Variants in IL11RA observed in about 807,000 individuals in gnomAD.
IL11RA encodes interleukin-11 receptor subunit alpha.
A neutral mutation model predicts 57.0 loss-of-function variants in IL11RA; 51 were observed. The ratio of observed to expected loss-of-function variants is 0.89; its 90% CI spans 0.71 to 1.13. The LOEUF is 1.13. IL11RA is among the 50% of genes most tolerant of loss of function. The probability of loss-of-function intolerance (pLI) is 0.00; values close to 1 mark genes in which losing one functional copy is unlikely to be tolerated. For synonymous variants in IL11RA, 199 were observed against 217.5 expected (o/e 0.91, Z 0.75); for missense variants, 498 against 539.4 (o/e 0.92, Z 0.76).
At chr9:34,655,718 T>G in intron 3 of IL11RA, 53 bp downstream of exon 3, 1 of 1,512,474 alleles carries the variant, frequency 6.6e-7, no homozygotes, top group Non-Finnish European at 9.2e-7. Flanking sequence ...TTCTTGACTC[T>G]GCCTAGTCCT....
chr9:34,660,145 TG>T, intron 9 of IL11RA, 128 bp from the exon 10 acceptor site: 1 of 1,404,654 alleles, frequency 7.1e-7, no homozygotes, highest in Non-Finnish European at 1.0e-6. Flanking sequence ...CCCTAGGAGC[TG>T]GCCATGCCCT....
At chr9:34,660,431 G>GA (rs1422841245) in intron 10 of IL11RA, 38 bp downstream of exon 10, 1 of 1,613,952 alleles carries the variant, frequency 6.2e-7, no homozygotes, top group African/African-American at 1.3e-5. Flanking sequence ...GTAAAGGACT[G>GA]AAAACCCCAG....
intron 8 of IL11RA, among the ~76,000 whole-genome samples, chr9:34,659,268 A>G (rs1438081136): frequency 6.6e-6 from 1 of 152,208 alleles, no homozygotes; most frequent in East Asian, 1.9e-4. Context: ...CTAGAGGCAC[A>G]TTCTCCTACA....
Position 34,658,779 on chromosome 9 carries a change from C to A in IL11RA, c.810+96C>A. Reference sequence around the variant, plus strand: ...GTATAGCTTTCCAGTGCTGGCAGGTCACTGAAGACCCAACACTTCCCTGTG... The same window carrying A: ...GTATAGCTTTCCAGTGCTGGCAGGTAACTGAAGACCCAACACTTCCCTGTG... On this transcript the variant is annotated intron_variant, in intron 8 of 12. Transcript: ENST00000441545. The surrounding 1 kb of genome is among the most constrained non-coding windows in gnomAD (Gnocchi z 4.0). 1 of 1,383,266 alleles carries A rather than the reference C, an allele frequency of 7.2e-7. No homozygotes were observed. Among genetic ancestry groups the A allele is most frequent in the Non-Finnish European group, 1.0e-6 (1 of 988,020 alleles). The allele number at this position is 1,383,266 out of a possible 1,614,324, so 85.7% of individuals were successfully genotyped here. A position where few individuals can be genotyped will look rare whatever the true frequency, so the allele number is the denominator to read the frequency against.
chr9:34,660,791 C>T (rs1174266451), intron 11 of IL11RA, 63 bp from the exon 12 acceptor site: 17 of 1,445,668 alleles, frequency 1.2e-5, no homozygotes, highest in Non-Finnish European at 1.6e-5. Context: ...TACTAATAAA[C>T]CCTTTGGCGG....
At position 34,661,811 on chromosome 9, in the gene IL11RA, G is replaced by T; in HGVS notation, c.*313G>T. The T allele has an allele frequency of 9.8e-7, 1 of 1,015,312 alleles. No individual in the cohort carries two copies. Among genetic ancestry groups the T allele is most frequent in the Non-Finnish European group, 1.5e-6 (1 of 672,864 alleles). 62.9% of individuals were successfully genotyped at this position (1,015,312 alleles called of 1,614,324 possible). A position where few individuals can be genotyped will look rare whatever the true frequency, so the allele number is the denominator to read the frequency against. On this transcript the variant is annotated 3_prime_UTR_variant, in exon 13 of 13. Transcript: ENST00000441545. ...GTATGTAGGTGCCTGGGGAGTGTGT[G>T]TGGGTCCTTGGCTCTTGGCCTTTCC... is the stretch of plus-strand genomic sequence containing the variant.
chr9:34,657,267 T>C (rs1821363880), intron 5 of IL11RA, 36 bp from the exon 6 acceptor site: 2 of 1,613,960 alleles, frequency 1.2e-6, no homozygotes, highest in African/African-American at 1.3e-5. Flanking sequence ...AGGCCCTCTT[T>C]TCCTTCCTGA....
intron 9 of IL11RA, 121 bp from the exon 10 acceptor site, chr9:34,660,153 C>A: frequency 6.9e-7 from 1 of 1,445,420 alleles, no homozygotes; most frequent in Non-Finnish European, 9.7e-7. Context: ...GCTGGCCATG[C>A]CCTATCAGGC....
chr9:34,660,959 T>G (rs1366220697), intron 12 of IL11RA, 23 bp downstream of exon 12: 1 of 1,572,170 alleles, frequency 6.4e-7, no homozygotes, highest in Non-Finnish European at 8.7e-7. Context: ...TCCAGAAGAT[T>G]TGGACTTGGA....
rs117149170 is a variant in IL11RA at position 34,658,655 on chromosome 9, G to A, written c.782G>A (p.Arg261His). ...HFLLKFRLQY[R>H]PAQHPAWSTV... ...CTGCTCAAGTTCCGTTTGCAGTACC[G>A]TCCGGCGCAGCATCCAGCCTGGTCC... The change falls in exon 8 of 13, where the codon CGT becomes CAT. Residue 261 changes from arginine to histidine, a missense_variant. Arg to His is a conservative substitution (Grantham distance 29). Coordinates refer to ENST00000441545, the MANE Select transcript of IL11RA (RefSeq NM_001142784.3). The surrounding 1 kb of genome is among the most constrained non-coding windows in gnomAD (Gnocchi z 4.0). 6.0e-4 allele frequency: 962 copies of A among 1,613,598 alleles called. 13 individuals carry two copies. In the East Asian group the frequency reaches 0.019, roughly 32 times the overall value.
At chr9:34,660,014 A>G in intron 9 of IL11RA, 114 bp downstream of exon 9, 2 of 1,377,272 alleles carry the variant, frequency 1.5e-6, no homozygotes, top group Non-Finnish European at 2.0e-6. Context: ...AGGCACGGCA[A>G]TTGCTGTCCC....
In IL11RA at chr9:34,661,505, C is replaced by T. The variant is rs934200482; in HGVS notation, c.*7C>T. On this transcript the variant is annotated 3_prime_UTR_variant, in exon 13 of 13. Coordinates refer to ENST00000441545, the MANE Select transcript of IL11RA (RefSeq NM_001142784.3). Reference sequence around the variant, plus strand: ...AGGAGCTCCAAACCTGTAGAGGACCCAGGAGGGCTTCGGCAGATTCCACCT... The same window carrying T: ...AGGAGCTCCAAACCTGTAGAGGACCTAGGAGGGCTTCGGCAGATTCCACCT... 42 of 1,613,702 alleles carry T rather than the reference C, an allele frequency of 2.6e-5. No homozygotes were observed. In the African/African-American group the frequency reaches 5.2e-4, roughly 20 times the overall value.
Position 34,661,580 on chromosome 9 carries a change from C to CAACCATAGGGAT in IL11RA, c.*82_*83insAACCATAGGGAT. The CAACCATAGGGAT allele has an allele frequency of 1.4e-6, 2 of 1,393,970 alleles. No homozygotes were observed. Among genetic ancestry groups the CAACCATAGGGAT allele is most frequent in the Non-Finnish European group, 2.0e-6 (2 of 979,146 alleles). 86.4% of individuals were successfully genotyped at this position (1,393,970 alleles called of 1,614,324 possible). A position where few individuals can be genotyped will look rare whatever the true frequency, so the allele number is the denominator to read the frequency against. On this transcript the variant is annotated 3_prime_UTR_variant, in exon 13 of 13. Coordinates refer to ENST00000441545, the MANE Select transcript of IL11RA (RefSeq NM_001142784.3). ...TAGAAACCAGGCAGGACAGTAGATCCCTATGGTTGGATCTCAGCTGGAAGT... is the reference window on the plus strand; with the variant it reads ...TAGAAACCAGGCAGGACAGTAGATCCAACCATAGGGATCTATGGTTGGATCTCAGCTGGAAGT...
At chr9:34,654,601 A>G (rs1039018121) in intron 1 of IL11RA, among the ~76,000 whole-genome samples, 1 of 152,226 alleles carries the variant, frequency 6.6e-6, no homozygotes, top group African/African-American at 2.4e-5. Flanking sequence ...CGAAGTGTCA[A>G]GAGCCAGGCC....
intron 1 of IL11RA, among the ~76,000 whole-genome samples, chr9:34,652,912 G>C (rs1482266333): frequency 6.6e-6 from 1 of 152,094 alleles, no homozygotes; most frequent in African/African-American, 2.4e-5. Context: ...TCCCTTACGT[G>C]CCGTTTTCTG....
rs1821457851 is a variant in IL11RA at position 34,661,573 on chromosome 9, G to C, written c.*75G>C. ...GTGTGGATAGAAACCAGGCAGGACA[G>C]TAGATCCCTATGGTTGGATCTCAGC... On this transcript the variant is annotated 3_prime_UTR_variant, in exon 13 of 13. Coordinates refer to ENST00000441545, the MANE Select transcript of IL11RA (RefSeq NM_001142784.3). The C allele has an allele frequency of 2.9e-6, 4 of 1,376,462 alleles. No homozygotes were observed. The East Asian group carries it at 9.1e-5, about 31-fold the overall frequency. 85.3% of individuals were successfully genotyped at this position (1,376,462 alleles called of 1,614,324 possible).
In IL11RA at chr9:34,661,569, G is replaced by A. The variant is rs1821457664; in HGVS notation, c.*71G>A. 6.8e-7 allele frequency: 1 copy of A among 1,466,120 alleles called. No individual in the cohort carries two copies. Among genetic ancestry groups the A allele is most frequent in the Non-Finnish European group, 9.6e-7 (1 of 1,044,742 alleles). The allele number at this position is 1,466,120 out of a possible 1,614,324, so 90.8% of individuals were successfully genotyped here. On this transcript the variant is annotated 3_prime_UTR_variant, in exon 13 of 13. Transcript: ENST00000441545. ...GCTGGTGTGGATAGAAACCAGGCAG[G>A]ACAGTAGATCCCTATGGTTGGATCT...
chr9:34,659,634 T>G, intron 8 of IL11RA, 125 bp from the exon 9 acceptor site: 8 of 1,169,930 alleles, frequency 6.8e-6, no homozygotes, highest in Non-Finnish European at 1.0e-5. Flanking sequence ...ACACCCAACA[T>G]GAGACCTAGA....
At chr9:34,659,583 T>C (rs1005610664) in intron 8 of IL11RA, among the ~76,000 whole-genome samples, 176 bp from the exon 9 acceptor site, 2 of 152,212 alleles carry the variant, frequency 1.3e-5, no homozygotes, top group African/African-American at 4.8e-5. Context: ...TAATCACTAC[T>C]GCCGTCTTAC....
Sources: gnomAD v4.1 joint callset for allele counts (sites outside exome capture counted in the v4.1 genomes callset) on GRCh38, gnomAD v4.1.1 for gene constraint, Gnocchi (gnomAD v3.1) non-coding constraint, MANE v1.5 for transcripts, NCBI Gene and HGNC (gene_info 2026-07-23, HGNC 2026-07-21) for gene names.